The following STIL variants were observed in gnomAD, a reference collection of about 807,000 sequenced individuals.
STIL encodes the protein SCL-interrupting locus protein.
Under a neutral mutation model 110.1 loss-of-function variants are expected in STIL, and 55 were observed. That is an observed-to-expected ratio of 0.50 (90% CI 0.40 to 0.63). STIL has a LOEUF of 0.63. Ranked by LOEUF, STIL falls within the 20% of genes least tolerant of loss-of-function variation. STIL has a pLI of 0.00. For synonymous variants in STIL, 481 were observed against 530.0 expected, an observed-to-expected ratio of 0.91 and a Z score of 1.27; for missense variants, 1,358 against 1,530.0, an observed-to-expected ratio of 0.89 and a Z score of 1.87.
In STIL at chr1:47,250,321, G is replaced by C. The variant is rs1407722009; in HGVS notation, c.*815C>G. On this transcript the variant is annotated 3_prime_UTR_variant, in exon 17 of 17. Transcript: ENST00000371877. ...ACCATACTGCAAAAAGCTGTATCTCGAGTTTAATCAACATGCATCCTAATT... is the reference window on the plus strand; with the variant it reads ...ACCATACTGCAAAAAGCTGTATCTCCAGTTTAATCAACATGCATCCTAATT... 4 of 175,380 alleles carry C rather than the reference G, an allele frequency of 2.3e-5. No individual in the cohort carries two copies. The highest frequency in any genetic ancestry group is 4.9e-5 in the Non-Finnish European group (4 of 81,384). The allele number at this position is 175,380 out of a possible 1,614,324, so 10.9% of individuals were successfully genotyped here.
intron 6 of STIL, 76 bp downstream of exon 6, chr1:47,299,829 A>G: frequency 1.4e-6 from 2 of 1,476,482 alleles, no homozygotes; most frequent in East Asian, 2.3e-5. Flanking sequence ...TGACTGGACA[A>G]TTCTTTCACA....
rs913744695 is a variant in STIL, at chr1:47,295,840, G to A, written c.710C>T (p.Thr237Ile). The A allele has an allele frequency of 6.2e-7, 1 of 1,610,140 alleles. No individual in the cohort carries two copies. The highest frequency in any genetic ancestry group is 2.2e-5 in the East Asian group (1 of 44,768). Residue 237 changes from threonine (T) to isoleucine (I), a missense_variant, in exon 7 of 17, where the codon ACC becomes ATC. Physicochemically the swap from Thr to Ile is moderately conservative, Grantham distance 89. Coordinates refer to ENST00000371877, the MANE Select transcript of STIL (RefSeq NM_001048166.1). ...TAACAATTTGCGTGTTTCATCCATG[G>A]TAAGATATCTAAACAGAAGACATTC... ...VQGTYKYGYL[T>I]MDETRKLLLL...
chr1:47,273,748 T>C (rs977445200), intron 12 of STIL, among the ~76,000 whole-genome samples: 1 of 152,228 alleles, frequency 6.6e-6, no homozygotes. Flanking sequence ...GTAAACACTA[T>C]GATTTTCTGC....
rs1372434326 is a variant in STIL at position 47,251,553 on chromosome 1, A to T, written c.3450T>A (p.Ser1150Arg). Residue 1150 changes from serine (S) to arginine (R), a missense_variant, in exon 17 of 17, where the codon AGT becomes AGA. By Grantham distance (110) the Ser-to-Arg change is moderately radical (BLOSUM62 -1). Coordinates refer to ENST00000371877, the MANE Select transcript of STIL (RefSeq NM_001048166.1). ...EEPPDNADSK[S>R]EYLLNQNLRS... The stretch of plus-strand genomic sequence containing the variant: ...TAAGGTTCTGATTCAATAAATATTC[A>T]CTCTTGCTATCTGCATTGTCGGGAG... 1.2e-6 allele frequency: 2 copies of T among 1,613,792 alleles called. No individual in the cohort carries two copies. The highest frequency in any genetic ancestry group is 2.7e-5 in the African/African-American group (2 of 74,844).
In STIL at chr1:47,281,055, T is replaced by C. The variant is rs149867741; in HGVS notation, c.1403A>G (p.Gln468Arg). 18 of 1,614,056 alleles carry C rather than the reference T, an allele frequency of 1.1e-5. No homozygotes were observed. The highest frequency in any genetic ancestry group is 6.7e-5 in the Admixed American group (4 of 59,998). ...TGGACTGTGTTTCTCATCATAAAGC[T>C]GGGGTTGCAATGGCTTCAAGTGTTC... ...HLEHLKPLQP[Q>R]LYDEKHSPEV... The change falls in exon 12 of 17, where the codon CAG becomes CGG. Residue 468 changes from glutamine to arginine, a missense_variant. By Grantham distance (43) the Gln-to-Arg change is conservative. Coordinates refer to ENST00000371877, the MANE Select transcript of STIL (RefSeq NM_001048166.1).
intron 12 of STIL, among the ~76,000 whole-genome samples, chr1:47,278,716 A>T (rs560743083): frequency 5.3e-4 from 80 of 152,278 alleles, no homozygotes; most frequent in African/African-American, 1.8e-3. Context: ...CTATAATCCC[A>T]GCACTCTGGG....
At chr1:47,275,812 A>T (rs979766367) in intron 12 of STIL, among the ~76,000 whole-genome samples, 2 of 151,838 alleles carry the variant, frequency 1.3e-5, no homozygotes, top group Non-Finnish European at 2.9e-5. Flanking sequence ...TTTTTTGTAG[A>T]GATGGAGTCT....
intron 13 of STIL, among the ~76,000 whole-genome samples, chr1:47,270,234 A>AT (rs1231403142): frequency 0.023 from 2,355 of 101,782 alleles, 109 homozygotes; most frequent in African/African-American, 0.089. Flanking sequence ...GCTCAAAAAA[A>AT]AAAAAAAATA....
At chr1:47,254,171 ACT>A (rs1414337073) in intron 16 of STIL, among the ~76,000 whole-genome samples, 6 of 101,096 alleles carry the variant, frequency 5.9e-5, no homozygotes, top group Admixed American at 4.4e-4. Flanking sequence ...ACAGAGTGAG[ACT>A]CTGTCTCAAA....
At chr1:47,285,935 C>T (rs868104160) in intron 10 of STIL, among the ~76,000 whole-genome samples, 15 of 151,904 alleles carry the variant, frequency 9.9e-5, no homozygotes, top group South Asian at 2.1e-4. Flanking sequence ...AGTGCAGTGG[C>T]GCAATCTCAG....
intron 16 of STIL, among the ~76,000 whole-genome samples, chr1:47,256,236 G>T (rs755412776): frequency 6.6e-6 from 1 of 152,200 alleles, no homozygotes; most frequent in Non-Finnish European, 1.5e-5. Flanking sequence ...GTAAGCGTCG[G>T]TGATGACCTG....
chr1:47,301,436 G>C (rs1227009253), intron 5 of STIL, 125 bp downstream of exon 5: 5 of 1,099,516 alleles, frequency 4.5e-6, no homozygotes, highest in Middle Eastern at 2.4e-4. Flanking sequence ...TTGGATTTTA[G>C]GTTCACAATA....
At chr1:47,271,503 G>C (rs1235466159) in intron 13 of STIL, among the ~76,000 whole-genome samples, 1 of 147,502 alleles carries the variant, frequency 6.8e-6, no homozygotes, top group African/African-American at 2.5e-5. Context: ...AGGTTGCAGT[G>C]AGCCGAGACT....
At position 47,287,664 on chromosome 1, in the gene STIL, A is replaced by G. The variant is rs188900275; in HGVS notation, c.1024-4T>C. ...TTTTGTCAGGAGGTTCAACATTCTG[A>G]AATGAAGTAGGTCATATTTTGAGAT... On this transcript the variant is annotated splice_polypyrimidine_tract_variant and splice_region_variant and intron_variant, in intron 9 of 16. Transcript: ENST00000371877. 568 of 1,609,692 alleles carry G rather than the reference A, an allele frequency of 3.5e-4. 1 individual carries two copies. In the African/African-American group the frequency reaches 6.9e-3, roughly 20 times the overall value.
intron 1 of STIL, among the ~76,000 whole-genome samples, chr1:47,312,414 CTG>C (rs1480870213): frequency 4.6e-5 from 7 of 151,984 alleles, no homozygotes; most frequent in Non-Finnish European, 1.0e-4. Flanking sequence ...GATTTCGTCA[CTG>C]CCCTCCAGCC....
chr1:47,305,206 A>C, intron 2 of STIL: 1 of 460,372 alleles, frequency 2.2e-6, no homozygotes, highest in East Asian at 4.5e-5. Context: ...GCTCACTGCA[A>C]CCTCTGCCTC....
rs550044239 is a variant in STIL at position 47,288,548 on chromosome 1, C to T, written c.1023+887G>A. Among the ~76,000 whole-genome samples, 19 of 152,010 alleles carry T rather than the reference C, an allele frequency of 1.2e-4. No homozygotes were observed. The South Asian group carries it at 1.9e-3, about 15-fold the overall frequency. On this transcript the variant is annotated intron_variant, in intron 9 of 16. Coordinates refer to ENST00000371877, the MANE Select transcript of STIL (RefSeq NM_001048166.1). ...CTGACCTCAGGTGATCCGCCCACCTCGGCCTCCCAAAGTGCTGGGATTCGA... is the reference window on the plus strand; with the variant it reads ...CTGACCTCAGGTGATCCGCCCACCTTGGCCTCCCAAAGTGCTGGGATTCGA...
chr1:47,254,887 T>C (rs1044873475), intron 16 of STIL, among the ~76,000 whole-genome samples: 15 of 152,168 alleles, frequency 9.9e-5, no homozygotes, highest in African/African-American at 3.6e-4. Context: ...ATCCATAAAG[T>C]AGTCAATATC....
At chr1:47,290,974 C>G (rs1017863242) in intron 8 of STIL, among the ~76,000 whole-genome samples, 1 of 152,160 alleles carries the variant, frequency 6.6e-6, no homozygotes, top group East Asian at 1.9e-4. Context: ...AGAGCCCTTA[C>G]ACTTAACACA....
Sources: allele counts gnomAD v4.1 joint callset (sites outside exome capture counted in the v4.1 genomes callset), GRCh38; gene constraint gnomAD v4.1.1; transcripts MANE v1.5; gene names NCBI Gene and HGNC (gene_info 2026-07-23, HGNC 2026-07-21).